PDK3: variants seen among roughly 807,000 people sequenced by gnomAD.
PDK3 encodes pyruvate dehydrogenase kinase 3.
PDK3 carries 12 observed loss-of-function variants against 32.0 expected under a neutral mutation model. The observed-to-expected ratio is 0.37, with a 90% CI of 0.24 to 0.61. The LOEUF (loss-of-function observed/expected upper bound fraction) is 0.61. PDK3 is among the 20% of genes least tolerant of loss of function. The probability of loss-of-function intolerance (pLI) is 0.65; values close to 1 mark genes in which losing one functional copy is unlikely to be tolerated. For missense variants in PDK3, 188 were observed against 316.9 expected (o/e 0.59, Z 3.09); for synonymous variants, 122 against 116.3 (o/e 1.05, Z -0.31).
chrX:24,479,902 A>G (rs1921208730), intron 1 of PDK3, among the ~76,000 whole-genome samples: 1 of 112,177 alleles, frequency 8.9e-6, no homozygotes, highest in Non-Finnish European at 1.9e-5. Context: ...AATTCTCACA[A>G]CAGCCATGCC....
intron 1 of PDK3, among the ~76,000 whole-genome samples, chrX:24,471,900 A>G (rs1170162600): frequency 8.9e-6 from 1 of 111,966 alleles, no homozygotes; most frequent in African/African-American, 3.2e-5. Flanking sequence ...CTGGGATAGC[A>G]TTGCCATCCT....
intron 5 of PDK3, 38 bp downstream of exon 5, chrX:24,505,336 A>G: frequency 9.5e-7 from 1 of 1,052,864 alleles, no homozygotes; most frequent in Non-Finnish European, 1.3e-6. Flanking sequence ...TCGTAGTTCA[A>G]ATTGGATTGT....
At chrX:24,502,192 C>T (rs1921875135) in intron 3 of PDK3, among the ~76,000 whole-genome samples, 1 of 111,507 alleles carries the variant, frequency 9.0e-6, no homozygotes, top group Non-Finnish European at 1.9e-5. Flanking sequence ...ACTTATTCAC[C>T]TGATTTTTCT....
exon 12 of PDK3, chrX:24,548,234 A>T (rs1025968851): frequency 2.7e-5 from 3 of 112,341 alleles, no homozygotes; most frequent in Non-Finnish European, 5.6e-5. Context: ...ATGATAAATG[A>T]CATCCAAATT....
At chrX:24,495,845 T>C (rs761778033) in intron 2 of PDK3, among the ~76,000 whole-genome samples, 1 of 111,664 alleles carries the variant, frequency 9.0e-6, no homozygotes, top group South Asian at 3.7e-4. Context: ...AGAGGTCCCG[T>C]CCTAAGTCAC....
At chrX:24,517,726 G>T (rs760178705) in intron 5 of PDK3, among the ~76,000 whole-genome samples, 1 of 112,271 alleles carries the variant, frequency 8.9e-6, no homozygotes, top group Non-Finnish European at 1.9e-5. Context: ...CTGTCTTCCG[G>T]CTGTTTCTGT....
intron 1 of PDK3, among the ~76,000 whole-genome samples, chrX:24,481,344 T>A (rs1921256200): frequency 8.9e-6 from 1 of 112,541 alleles, no homozygotes; most frequent in Non-Finnish European, 1.9e-5. Flanking sequence ...TTTTCTTGAC[T>A]TCCACCTTTT....
rs1921725035 is a variant in PDK3 at position 24,496,808 on chromosome X, GTCTC to G, written c.248+1931_248+1934del. On this transcript the variant is annotated intron_variant, in intron 2 of 10. Transcript: ENST00000379162. ...TTTTTTTTTTTTTTTTTGAGACAGA[GTCTC>G]TCTCTGTTGCCGAGGCTGGAGTGCA... 8.7e-5 allele frequency among the ~76,000 whole-genome samples: 6 copies of G among 69,212 alleles called. No homozygotes were observed. The South Asian group carries it at 6.4e-3, about 74-fold the overall frequency. 60.1% of individuals were successfully genotyped at this position (69,212 alleles called of 115,157 possible).
At chrX:24,481,127 T>G (rs1229976819) in intron 1 of PDK3, among the ~76,000 whole-genome samples, 1 of 108,174 alleles carries the variant, frequency 9.2e-6, no homozygotes, top group Non-Finnish European at 1.9e-5. Context: ...CACTGCAAGC[T>G]CCGCCTTCCG....
intron 2 of PDK3, among the ~76,000 whole-genome samples, chrX:24,497,210 C>T (rs1921736905): frequency 8.9e-6 from 1 of 111,786 alleles, no homozygotes; most frequent in African/African-American, 3.2e-5. Context: ...TGGCTTTGAC[C>T]TCTTGGCGTT....
chrX:24,510,894 C>T lies in PDK3; in HGVS notation c.595+5596C>T, dbSNP rs147654007. ...TGCAGGCCTCTCTTTTCCTTGTAGA[C>T]CAAAGCAGATGTCTCCAGTCGACTG... On this transcript the variant is annotated intron_variant, in intron 5 of 10. Transcript: ENST00000379162. Among the ~76,000 whole-genome samples the T allele has an allele frequency of 2.0e-4, 23 of 112,449 alleles. 1 individual carries two copies. The highest frequency in any genetic ancestry group is 7.4e-4 in the African/African-American group (23 of 31,047).
intron 5 of PDK3, among the ~76,000 whole-genome samples, chrX:24,505,869 A>G (rs774579920): frequency 5.4e-5 from 6 of 111,524 alleles, no homozygotes; most frequent in Non-Finnish European, 1.1e-4. Context: ...GATCAATGCT[A>G]TCTCCAAGAA....
intron 5 of PDK3, among the ~76,000 whole-genome samples, chrX:24,513,169 G>A (rs1000533288): frequency 1.2e-4 from 13 of 110,907 alleles, no homozygotes; most frequent in Non-Finnish European, 2.3e-4. Context: ...TCTGGAGATT[G>A]GATATTCTGC....
intron 2 of PDK3, among the ~76,000 whole-genome samples, chrX:24,496,219 AATTGTTAAC>A (rs1388724650): frequency 2.7e-5 from 3 of 110,658 alleles, no homozygotes; most frequent in South Asian, 3.9e-4. Flanking sequence ...TAGATTCACT[AATTGTTAAC>A]ATTGTTAACA....
rs1473821219 is a variant in PDK3, at chrX:24,508,744, G to A, written c.595+3446G>A. ...CTTTTTTTTTTGGAGATGGAGTCTC[G>A]CTCTGTCGTCCAGGCTGGAGTGCAA... is the stretch of plus-strand genomic sequence containing the variant. On this transcript the variant is annotated intron_variant, in intron 5 of 10. Transcript: ENST00000379162. Among the ~76,000 whole-genome samples, 4 of 110,435 alleles carry A rather than the reference G, an allele frequency of 3.6e-5. No homozygotes were observed. The East Asian group carries it at 1.1e-3, about 31-fold the overall frequency.
rs1444913229 is a variant in PDK3, at chrX:24,534,352, T to A, written c.*280T>A. The A allele has an allele frequency of 1.4e-5, 6 of 432,250 alleles. No homozygotes were observed. The South Asian group carries it at 5.7e-4, about 41-fold the overall frequency. 35.6% of individuals were successfully genotyped at this position (432,250 alleles called of 1,213,427 possible). ...GCCTTAAAAAGGAAGGACATTCTGA[T>A]ATGTGCTGCAACATGGGTGAATCTT... is the stretch of plus-strand genomic sequence containing the variant. On this transcript the variant is annotated 3_prime_UTR_variant, in exon 11 of 11. Coordinates refer to ENST00000379162, the MANE Select transcript of PDK3 (RefSeq NM_005391.5).
At chrX:24,524,895 C>T (rs752609951) in intron 6 of PDK3, among the ~76,000 whole-genome samples, 2 of 112,327 alleles carry the variant, frequency 1.8e-5, no homozygotes, top group Non-Finnish European at 3.8e-5. Context: ...CGGTGGCTCA[C>T]GCCTGCAATC....
intron 1 of PDK3, among the ~76,000 whole-genome samples, chrX:24,483,024 G>T (rs994928370): frequency 1.8e-5 from 2 of 112,735 alleles, no homozygotes; most frequent in African/African-American, 6.4e-5. Flanking sequence ...TTTCCTTGAT[G>T]AAGTCAGCTT....
intron 9 of PDK3, among the ~76,000 whole-genome samples, chrX:24,530,279 A>T (rs1293187311): frequency 9.0e-6 from 1 of 111,151 alleles, no homozygotes; most frequent in Non-Finnish European, 1.9e-5. Flanking sequence ...TTTCAGTTAA[A>T]CCCTACCCTG....
Sources: gnomAD v4.1 joint callset for allele counts (sites outside exome capture counted in the v4.1 genomes callset) on GRCh38, gnomAD v4.1.1 for gene constraint, MANE v1.5 for transcripts, NCBI Gene and HGNC (gene_info 2026-07-23, HGNC 2026-07-21) for gene names.